Variants in SUGCT observed in about 807,000 individuals in gnomAD.
SUGCT encodes the protein succinyl-CoA:glutarate-CoA transferase.
Under a neutral mutation model 55.0 loss-of-function variants are expected in SUGCT, and 41 were observed. That is an observed-to-expected ratio of 0.74 (90% CI 0.58 to 0.97). The LOEUF (loss-of-function observed/expected upper bound fraction) is 0.97. SUGCT is among the 50% of genes least tolerant of loss of function. The pLI is 0.00. For missense variants in SUGCT, 568 were observed against 547.8 expected, an observed-to-expected ratio of 1.04 and a Z score of -0.37; for synonymous variants, 187 against 200.4, an observed-to-expected ratio of 0.93 and a Z score of 0.56.
intron 6 of SUGCT, among the ~76,000 whole-genome samples, chr7:40,205,671 A>G (rs981003460): frequency 6.6e-6 from 1 of 151,086 alleles, no homozygotes; most frequent in African/African-American, 2.4e-5. Context: ...AAGAAAAGTG[A>G]CAAAATTGTT....
At chr7:40,836,299 A>G (rs1426488459) in intron 13 of SUGCT, among the ~76,000 whole-genome samples, 3 of 152,194 alleles carry the variant, frequency 2.0e-5, no homozygotes, top group Non-Finnish European at 4.4e-5. Flanking sequence ...CATAGCTTTT[A>G]AAACCTTTTT....
chr7:40,170,981 C>G (rs1381824789), intron 1 of SUGCT, among the ~76,000 whole-genome samples: 2 of 152,098 alleles, frequency 1.3e-5, no homozygotes, highest in African/African-American at 4.8e-5. Context: ...GGGCTGGGTT[C>G]CTGAATATTT....
At chr7:40,717,904 A>G (rs1786108763) in intron 12 of SUGCT, among the ~76,000 whole-genome samples, 1 of 149,196 alleles carries the variant, frequency 6.7e-6, no homozygotes, top group Non-Finnish European at 1.5e-5. Flanking sequence ...AAAATGGTAC[A>G]TAATGAGAAG....
At chr7:40,496,456 A>G (rs1791981579) in intron 12 of SUGCT, 70 bp downstream of exon 12, 2 of 1,021,210 alleles carry the variant, frequency 2.0e-6, no homozygotes, top group Non-Finnish European at 3.0e-6. Context: ...TACCTTTGCC[A>G]TTGATCGCAA....
chr7:40,814,928 A>T (rs1216463034), intron 13 of SUGCT, among the ~76,000 whole-genome samples: 1 of 151,964 alleles, frequency 6.6e-6, no homozygotes, highest in Non-Finnish European at 1.5e-5. Flanking sequence ...ATGTGACTGT[A>T]GAGAATGCTG....
chr7:40,264,927 T>G (rs1031621893), intron 7 of SUGCT, among the ~76,000 whole-genome samples: 1 of 152,210 alleles, frequency 6.6e-6, no homozygotes, highest in African/African-American at 2.4e-5. Flanking sequence ...GTGCAGCCTT[T>G]TACCTTCATA....
intron 12 of SUGCT, among the ~76,000 whole-genome samples, chr7:40,640,443 C>T (rs1800220366): frequency 6.6e-6 from 1 of 152,162 alleles, no homozygotes; most frequent in African/African-American, 2.4e-5. Flanking sequence ...GCATTCTTAT[C>T]TAAAATTTTG....
intron 13 of SUGCT, among the ~76,000 whole-genome samples, chr7:40,781,011 A>G (rs1272451028): frequency 1.3e-5 from 2 of 152,108 alleles, no homozygotes; most frequent in Middle Eastern, 3.2e-3. Flanking sequence ...TTCTTCAGGT[A>G]TTGGGTTCCT....
chr7:40,383,677 G>A (rs1486157773), intron 9 of SUGCT, among the ~76,000 whole-genome samples: 1 of 152,172 alleles, frequency 6.6e-6, no homozygotes, highest in Non-Finnish European at 1.5e-5. Context: ...GGAAGAGATT[G>A]TGTCCATTGG....
At chr7:40,661,869 C>T (rs1350841988) in intron 12 of SUGCT, among the ~76,000 whole-genome samples, 1 of 152,162 alleles carries the variant, frequency 6.6e-6, no homozygotes, top group Non-Finnish European at 1.5e-5. Context: ...CAGCCATACC[C>T]TCTCTCCTGA....
At chr7:40,750,357 A>AT (rs1035949766) in intron 13 of SUGCT, among the ~76,000 whole-genome samples, 13 of 151,580 alleles carry the variant, frequency 8.6e-5, no homozygotes, top group Non-Finnish European at 1.8e-4. Context: ...CCAAGCACTT[A>AT]TTTTTTTTTC....
chr7:40,219,511 G>C (rs1054777296), intron 6 of SUGCT, among the ~76,000 whole-genome samples: 1 of 152,088 alleles, frequency 6.6e-6, no homozygotes, highest in Admixed American at 6.5e-5. Flanking sequence ...AAATGAAGGG[G>C]GGAGAAAGTG....
At chr7:40,601,981 C>A (rs1207988803) in intron 12 of SUGCT, among the ~76,000 whole-genome samples, 1 of 152,118 alleles carries the variant, frequency 6.6e-6, no homozygotes, top group Non-Finnish European at 1.5e-5. Context: ...GAAATAGTTT[C>A]TTTGGACTTT....
rs1562681042 is a variant in SUGCT at position 40,324,244 on chromosome 7, A to ATATATATATAT, written c.816+7389_816+7390insTATATATATAT. On this transcript the variant is annotated intron_variant, in intron 9 of 13. Coordinates refer to ENST00000335693, the MANE Select transcript of SUGCT (RefSeq NM_001193313.2). ...AGATGATCATATATATAAATAAATAAATAAATAAATATATATATATTTATT... is the reference window on the plus strand; with the variant it reads ...AGATGATCATATATATAAATAAATAATATATATATATATAAATAAATATATATATATTTATT... Among the ~76,000 whole-genome samples, 82 of 98,414 alleles carry ATATATATATAT rather than the reference A, an allele frequency of 8.3e-4. 3 individuals carry two copies. Among genetic ancestry groups the ATATATATATAT allele is most frequent in the Admixed American group, 1.8e-3 (16 of 8,982 alleles). The allele number at this position is 98,414 out of a possible 152,430, so 64.6% of individuals were successfully genotyped here. A position where few individuals can be genotyped will look rare whatever the true frequency, so the allele number is the denominator to read the frequency against.
intron 13 of SUGCT, among the ~76,000 whole-genome samples, chr7:40,843,293 C>T (rs764375690): frequency 3.9e-5 from 6 of 151,920 alleles, no homozygotes; most frequent in Admixed American, 1.3e-4. Flanking sequence ...GGGCAGATCA[C>T]GAGGTCAGGA....
chr7:40,458,429 A>T (rs189920204), intron 10 of SUGCT, among the ~76,000 whole-genome samples: 11 of 152,360 alleles, frequency 7.2e-5, no homozygotes, highest in Non-Finnish European at 1.3e-4. Context: ...AAAAGAGGAA[A>T]TCTATAAAAG....
chr7:40,255,145 T>G (rs1439183313), intron 7 of SUGCT, among the ~76,000 whole-genome samples: 4 of 150,548 alleles, frequency 2.7e-5, no homozygotes, highest in South Asian at 4.2e-4. Context: ...GAGAACCACT[T>G]GAACCCGGGA....
At chr7:40,765,108 A>T (rs1788716456) in intron 13 of SUGCT, among the ~76,000 whole-genome samples, 1 of 152,314 alleles carries the variant, frequency 6.6e-6, no homozygotes, top group Admixed American at 6.5e-5. Flanking sequence ...ATTTAACAAT[A>T]GTTTTTATTA....
the SUGCT span, among the ~76,000 whole-genome samples, chr7:40,973,691 C>T: frequency 2.6e-5 from 4 of 152,214 alleles, no homozygotes; most frequent in African/African-American, 9.6e-5. Flanking sequence ...CATCATAGAA[C>T]TTTCCTATAA....
Sources: gnomAD v4.1 joint callset for allele counts (sites outside exome capture counted in the v4.1 genomes callset) on GRCh38, gnomAD v4.1.1 for gene constraint, MANE v1.5 for transcripts, NCBI Gene and HGNC (gene_info 2026-07-23, HGNC 2026-07-21) for gene names.